Variants in DLEU7 observed in about 807,000 individuals in gnomAD.
DLEU7 encodes the protein deleted in lymphocytic leukemia 7.
A neutral mutation model predicts 16.0 loss-of-function variants in DLEU7; 17 were observed. The ratio of observed to expected loss-of-function variants is 1.06; its 90% CI spans 0.73 to 1.59. The LOEUF is 1.59. DLEU7 is among the 40% of genes most tolerant of loss of function. The pLI is 0.00. For missense variants in DLEU7, 308 were observed against 314.9 expected (o/e 0.98, Z 0.17); for synonymous variants, 113 against 139.8 (o/e 0.81, Z 1.35).
chr13:50,713,245 A>C, intron 1 of DLEU7: 2 of 1,610,236 alleles, frequency 1.2e-6, no homozygotes, highest in Non-Finnish European at 1.7e-6. Flanking sequence ...TTGAAGCTGA[A>C]AGAAATGTAG....
intron 1 of DLEU7, among the ~76,000 whole-genome samples, chr13:50,721,959 T>C (rs947688216): frequency 5.3e-5 from 8 of 152,188 alleles, no homozygotes; most frequent in African/African-American, 1.9e-4. Flanking sequence ...TCTTCAAATA[T>C]ATGCCAGAAG....
At chr13:50,761,250 T>G (rs188618730) in intron 1 of DLEU7, among the ~76,000 whole-genome samples, 2 of 152,246 alleles carry the variant, frequency 1.3e-5, no homozygotes, top group Admixed American at 1.3e-4. Flanking sequence ...GCAGAATGTT[T>G]TATAGAGCTT....
chr13:50,800,475 G>T (rs1029237151), intron 1 of DLEU7, among the ~76,000 whole-genome samples: 2 of 152,048 alleles, frequency 1.3e-5, no homozygotes, highest in Non-Finnish European at 2.9e-5. Flanking sequence ...CCTCACTGAG[G>T]ATAATTTTAA....
downstream of DLEU7, chr13:50,822,764 T>C: frequency 1.0e-6 from 1 of 985,716 alleles, no homozygotes; most frequent in South Asian, 4.7e-5. Flanking sequence ...TCTTCTCTGC[T>C]CAACAGTAAG....
Position 50,790,079 on chromosome 13 carries a change from C to T in DLEU7, c.459+53109G>A, listed in dbSNP as rs1203805445. On this transcript the variant is annotated intron_variant, in intron 1 of 1. Transcript: ENST00000400393. Reference sequence around the variant, plus strand: ...TCCCAAGTAGCTGGGATTACAGGCACGTGGCACCATGGCCAGCTAATTTTT... The same window carrying T: ...TCCCAAGTAGCTGGGATTACAGGCATGTGGCACCATGGCCAGCTAATTTTT... 5.9e-5 allele frequency among the ~76,000 whole-genome samples: 9 copies of T among 152,012 alleles called. No homozygotes were observed. The South Asian group carries it at 6.2e-4, about 11-fold the overall frequency.
At chr13:50,790,021 C>T (rs1875906572) in intron 1 of DLEU7, among the ~76,000 whole-genome samples, 1 of 151,782 alleles carries the variant, frequency 6.6e-6, no homozygotes, top group Non-Finnish European at 1.5e-5. Context: ...CAACCTCCGC[C>T]TCCCAGGTTC....
At chr13:50,811,188 A>G (rs1260966266) in intron 1 of DLEU7, among the ~76,000 whole-genome samples, 1 of 152,166 alleles carries the variant, frequency 6.6e-6, no homozygotes, top group East Asian at 1.9e-4. Flanking sequence ...CAAACTATAA[A>G]GGTCACTTTT....
At chr13:50,719,710 G>A (rs1873541708) in intron 1 of DLEU7, 1 of 152,148 alleles carries the variant, frequency 6.6e-6, no homozygotes, top group Non-Finnish European at 1.5e-5. Context: ...ACAACAACCA[G>A]GTGAATATGC....
At chr13:50,805,887 C>G (rs1876374755) in intron 1 of DLEU7, among the ~76,000 whole-genome samples, 1 of 152,168 alleles carries the variant, frequency 6.6e-6, no homozygotes, top group Non-Finnish European at 1.5e-5. Flanking sequence ...GTTTATTGTA[C>G]ATGGTTGCTT....
rs556347714 is a variant in DLEU7, at chr13:50,726,461, T to C, written c.460-13221A>G. 1.3e-5 allele frequency among the ~76,000 whole-genome samples: 2 copies of C among 152,216 alleles called. No homozygotes were observed. ...AGGCTTCCATTTAACCAGAAATACA[T>C]GTTTTTTAACTTAAATTTCCCTCGA... On this transcript the variant is annotated intron_variant, in intron 1 of 1. Transcript: ENST00000400393. The surrounding 1 kb of genome is among the most constrained non-coding windows in gnomAD (Gnocchi z 4.0).
At chr13:50,822,395 A>C (rs1297595661), downstream of DLEU7, among the ~76,000 whole-genome samples, 1 of 152,156 alleles carries the variant, frequency 6.6e-6, no homozygotes, top group Non-Finnish European at 1.5e-5. Context: ...TTCTATTAAA[A>C]TTTTAAGGGA....
At chr13:50,755,414 A>T (rs1330963102) in intron 1 of DLEU7, among the ~76,000 whole-genome samples, 4 of 151,922 alleles carry the variant, frequency 2.6e-5, no homozygotes, top group Non-Finnish European at 4.4e-5. Flanking sequence ...TGTCTTTGTT[A>T]TATTGGGTTA....
chr13:50,713,508 C>A (rs1873353120), intron 1 of DLEU7, among the ~76,000 whole-genome samples: 1 of 152,090 alleles, frequency 6.6e-6, no homozygotes, highest in East Asian at 1.9e-4. Flanking sequence ...TAATCTTTTT[C>A]TTTGTATTTT....
At chr13:50,780,420 G>T (rs1406666884) in intron 1 of DLEU7, among the ~76,000 whole-genome samples, 3 of 152,172 alleles carry the variant, frequency 2.0e-5, no homozygotes, top group African/African-American at 7.2e-5. Context: ...CGACTCATTT[G>T]TTGAGAGCAA....
intron 1 of DLEU7, among the ~76,000 whole-genome samples, chr13:50,754,466 G>T (rs1453148848): frequency 3.9e-5 from 6 of 152,190 alleles, no homozygotes; most frequent in Admixed American, 3.9e-4. Context: ...TTCAAAGTTT[G>T]TTTTGTCTGA....
Position 50,726,414 on chromosome 13 carries a change from G to A in DLEU7, c.460-13174C>T, listed in dbSNP as rs1208087802. On this transcript the variant is annotated intron_variant, in intron 1 of 1. Transcript: ENST00000400393. This position sits in a 1 kb window ranked among gnomAD's most constrained non-coding sequence, Gnocchi z 4.0. ...CCTGCAACAGCCACCTGACTTTCCCGCCTCCTCCTTTCACGGAACACAGGC... is the reference window on the plus strand; with the variant it reads ...CCTGCAACAGCCACCTGACTTTCCCACCTCCTCCTTTCACGGAACACAGGC... Among the ~76,000 whole-genome samples, 2 of 151,066 alleles carry A rather than the reference G, an allele frequency of 1.3e-5. No individual in the cohort carries two copies. The highest frequency in any genetic ancestry group is 2.4e-5 in the African/African-American group (1 of 41,020).
intron 1 of DLEU7, among the ~76,000 whole-genome samples, chr13:50,740,846 C>T (rs553599780): frequency 7.2e-5 from 11 of 152,062 alleles, no homozygotes; most frequent in Non-Finnish European, 1.5e-4. Context: ...TGGACTGTTC[C>T]TGCTTATAAG....
intron 1 of DLEU7, among the ~76,000 whole-genome samples, chr13:50,776,539 A>T (rs968621319): frequency 1.3e-5 from 2 of 152,192 alleles, no homozygotes; most frequent in Non-Finnish European, 2.9e-5. Context: ...TCATGGCTCC[A>T]TAGGAGGTTT....
At chr13:50,827,858 A>G (rs953993371) in intron 1 of DLEU7, among the ~76,000 whole-genome samples, 3 of 152,204 alleles carry the variant, frequency 2.0e-5, no homozygotes, top group Non-Finnish European at 4.4e-5. Flanking sequence ...CTTTTGGAAG[A>G]TAATGATTAC....
Sources: gnomAD v4.1 joint callset for allele counts (sites outside exome capture counted in the v4.1 genomes callset) on GRCh38, gnomAD v4.1.1 for gene constraint, Gnocchi (gnomAD v3.1) non-coding constraint, MANE v1.5 for transcripts, NCBI Gene and HGNC (gene_info 2026-07-23, HGNC 2026-07-21) for gene names.